Variants in MYO7A observed in about 807,000 individuals in gnomAD.
MYO7A encodes the protein unconventional myosin-VIIa.
Under a neutral mutation model 263.8 loss-of-function variants are expected in MYO7A, and 210 were observed. The observed-to-expected ratio is 0.80, with a 90% CI of 0.71 to 0.89. The LOEUF is 0.89. MYO7A is among the 40% of genes least tolerant of loss of function. The pLI is 0.00. For missense variants in MYO7A, 2,820 were observed against 2,968.3 expected (o/e 0.95, Z 1.16); for synonymous variants, 1,239 against 1,197.3 (o/e 1.03, Z -0.72).
intron 16 of MYO7A, among the ~76,000 whole-genome samples, chr11:77,173,279 G>T (rs901904319): frequency 6.6e-6 from 1 of 152,250 alleles, no homozygotes; most frequent in Non-Finnish European, 1.5e-5. Context: ...TGGCAGCTGT[G>T]GTTCTTGCTG....
intron 15 of MYO7A, among the ~76,000 whole-genome samples, chr11:77,171,129 C>T (rs1008303775): frequency 2.6e-5 from 4 of 152,326 alleles, no homozygotes; most frequent in Middle Eastern, 3.4e-3. Flanking sequence ...AGAAAGCAGT[C>T]GTTTTATTGT....
chr11:77,130,247 T>G (rs923948911), intron 1 of MYO7A, among the ~76,000 whole-genome samples: 3 of 152,252 alleles, frequency 2.0e-5, no homozygotes, highest in Non-Finnish European at 1.5e-5. Flanking sequence ...AAATTTGCTC[T>G]GGCTAGCTGT....
chr11:77,148,065 G>A, intron 4 of MYO7A, 115 bp downstream of exon 4: 3 of 1,001,154 alleles, frequency 3.0e-6, no homozygotes, highest in Non-Finnish European at 4.2e-6. Flanking sequence ...CCTGCCTCCT[G>A]AGACTTTGTC....
In MYO7A at chr11:77,208,697, GA is replaced by G; in HGVS notation, c.5947del (p.Ile1983LeufsTer12). The G allele has an allele frequency of 6.3e-7, 1 of 1,579,092 alleles. No homozygotes were observed. Among genetic ancestry groups the G allele is most frequent in the Non-Finnish European group, 8.6e-7 (1 of 1,161,534 alleles). On this transcript the variant is annotated frameshift_variant and splice_region_variant, in exon 44 of 49. Coordinates refer to ENST00000409709, the MANE Select transcript of MYO7A (RefSeq NM_000260.4). LOFTEE classifies it high-confidence loss of function. ...WIKKARPIKD[G>X]IVPSLTYQVF... The stretch of plus-strand genomic sequence containing the variant: ...GGTGACCGACTGCCCTGTGCTGCAG[GA>G]ATTGTGCCCTCACTCACCTACCAGG...
intron 46 of MYO7A, chr11:77,212,362 T>C: frequency 2.8e-6 from 1 of 362,068 alleles, no homozygotes; most frequent in Non-Finnish European, 5.5e-6. Context: ...GTGTGAGAAC[T>C]CAGGTCTGGG....
At chr11:77,191,975 G>A in intron 30 of MYO7A, 76 bp from the exon 31 acceptor site, 1 of 1,326,642 alleles carries the variant, frequency 7.5e-7, no homozygotes, top group East Asian at 2.5e-5. Context: ...TGTCTGAACT[G>A]ACCGTTGGCC....
At chr11:77,189,996 C>T (rs780727738) in intron 28 of MYO7A, 24 bp from the exon 29 acceptor site, 58 of 1,510,034 alleles carry the variant, frequency 3.8e-5, no homozygotes, top group Non-Finnish European at 4.8e-5. Flanking sequence ...CCAGGGGCCG[C>T]CTCAGCGGGT....
chr11:77,187,664 TCACCAGGAGC>T (rs1210823778), intron 27 of MYO7A, among the ~76,000 whole-genome samples: 25 of 151,776 alleles, frequency 1.6e-4, no homozygotes, highest in African/African-American at 6.1e-4. Flanking sequence ...GACCCAGGAG[TCACCAGGAGC>T]CACCAAAAAA....
At chr11:77,212,649 C>T (rs748823123) in intron 46 of MYO7A, 25 of 466,434 alleles carry the variant, frequency 5.4e-5, no homozygotes, top group Non-Finnish European at 7.4e-5. Context: ...CTTGGCTGTG[C>T]GAGGAGAACA....
At chr11:77,175,350 G>A in intron 17 of MYO7A, 22 bp from the exon 18 acceptor site, 4 of 1,611,196 alleles carry the variant, frequency 2.5e-6, no homozygotes, top group Non-Finnish European at 3.4e-6. Flanking sequence ...CCATTCCCTT[G>A]TGTTCCCCAT....
chr11:77,155,289 G>A (rs573130393), intron 4 of MYO7A, among the ~76,000 whole-genome samples: 2 of 152,278 alleles, frequency 1.3e-5, no homozygotes, highest in East Asian at 3.9e-4. Flanking sequence ...GGTGCACCTG[G>A]CCCCTGCGCC....
At chr11:77,142,918 G>C in intron 3 of MYO7A, 96 bp downstream of exon 3, 1 of 1,040,716 alleles carries the variant, frequency 9.6e-7, no homozygotes, top group Non-Finnish European at 1.5e-6. Flanking sequence ...AGGAGATGGA[G>C]GCCATGCCCA....
In MYO7A at chr11:77,182,192, G is replaced by A. The variant is rs200054831; in HGVS notation, c.3108+38G>A. 2.1e-4 allele frequency: 332 copies of A among 1,609,322 alleles called. 3 individuals carry two copies. In the East Asian group the frequency reaches 5.8e-3, roughly 28 times the overall value. On this transcript the variant is annotated intron_variant, in intron 24 of 48. Coordinates refer to ENST00000409709, the MANE Select transcript of MYO7A (RefSeq NM_000260.4). ...TGTCACTAGGTCACTGCTGGGTGGG[G>A]CCAGGGCTGGGGCTATGGACTCTGC...
At chr11:77,177,474 C>T in intron 18 of MYO7A, 75 bp from the exon 19 acceptor site, 1 of 1,157,710 alleles carries the variant, frequency 8.6e-7, no homozygotes, top group South Asian at 1.3e-5. Context: ...GAAGGAAGAG[C>T]AGCCCCCACT....
Position 77,183,121 on chromosome 11 carries a change from T to A in MYO7A, c.3339T>A (p.His1113Gln). Residue 1113 changes from histidine to glutamine, a missense_variant, in exon 26 of 49, where the codon CAT becomes CAA. By Grantham distance (24) the His-to-Gln change is conservative (BLOSUM62 0). Transcript: ENST00000409709. ...GCAGTGTGAGGCACAAGCTGGTGCATTTGACTCTGAAAAAGAAGTCCAAGC... is the reference window on the plus strand; with the variant it reads ...GCAGTGTGAGGCACAAGCTGGTGCAATTGACTCTGAAAAAGAAGTCCAAGC... ...KKSSVRHKLV[H>Q]LTLKKKSKLT... The A allele has an allele frequency of 6.4e-7, 1 of 1,552,376 alleles. No homozygotes were observed. The highest frequency in any genetic ancestry group is 8.7e-7 in the Non-Finnish European group (1 of 1,147,746).
rs782761618 is a variant in MYO7A, at chr11:77,182,455, G to A, written c.3140G>A (p.Arg1047His). 1.6e-5 allele frequency: 26 copies of A among 1,608,944 alleles called. No individual in the cohort carries two copies. The highest frequency in any genetic ancestry group is 5.6e-5 in the African/African-American group (4 of 71,136). The change falls in exon 25 of 49, where the codon CGC becomes CAC. Residue 1047 changes from arginine (R) to histidine (H), a missense_variant. Coordinates refer to ENST00000409709, the MANE Select transcript of MYO7A (RefSeq NM_000260.4). ...CTGGCGGTCTGGATCACCATCCTCC[G>A]CTTCATGGGGGACCTCCCTGAGCCC... is the stretch of plus-strand genomic sequence containing the variant. ...AALAVWITILRFMGDLPEPKY... is the reference protein window; with the variant it reads ...AALAVWITILHFMGDLPEPKY...
chr11:77,206,975 T>C, intron 41 of MYO7A: 1 of 241,016 alleles, frequency 4.1e-6, no homozygotes, highest in Non-Finnish European at 8.0e-6. Flanking sequence ...TCAAGTCTCC[T>C]CCTTCTAATC....
At chr11:77,150,951 G>C (rs1951917738) in intron 4 of MYO7A, among the ~76,000 whole-genome samples, 1 of 152,200 alleles carries the variant, frequency 6.6e-6, no homozygotes. Flanking sequence ...TCCCTTCATG[G>C]ATTGGGTTAC....
chr11:77,162,020 A>G, intron 12 of MYO7A, 100 bp from the exon 13 acceptor site: 1 of 1,075,202 alleles, frequency 9.3e-7, no homozygotes. Flanking sequence ...TGATGGGGAT[A>G]GCTTGCTAAT....
Sources: gnomAD v4.1 joint callset for allele counts (sites outside exome capture counted in the v4.1 genomes callset) on GRCh38, gnomAD v4.1.1 for gene constraint, MANE v1.5 for transcripts, NCBI Gene and HGNC (gene_info 2026-07-23, HGNC 2026-07-21) for gene names.